Variants in MYCBP2 observed in about 807,000 individuals in gnomAD.
MYCBP2 encodes the protein E3 ubiquitin-protein ligase MYCBP2.
Under a neutral mutation model 525.3 loss-of-function variants are expected in MYCBP2, and 120 were observed. That is an observed-to-expected ratio of 0.23 (90% CI 0.20 to 0.27). The LOEUF (loss-of-function observed/expected upper bound fraction) is 0.27. Among genes scored for constraint, MYCBP2 ranks in the 10% least tolerant of loss-of-function variants. The pLI is 1.00. For synonymous variants in MYCBP2, 1,894 were observed against 1,955.8 expected, an observed-to-expected ratio of 0.97 and a Z score of 0.83; for missense variants, 4,149 against 5,657.1, an observed-to-expected ratio of 0.73 and a Z score of 8.55.
Position 77,179,744 on chromosome 13 carries a change from A to C in MYCBP2, c.5133+383T>G, listed in dbSNP as rs139385593. Among the ~76,000 whole-genome samples, 157 of 152,320 alleles carry C rather than the reference A, an allele frequency of 1.0e-3. 1 individual carries two copies. The highest frequency in any genetic ancestry group is 3.4e-3 in the Middle Eastern group (1 of 294). Reference sequence around the variant, plus strand: ...GTTGAGTGGGCAGAGCTGAAGTCTAAACCTCATTACCTTTCCCACACTATG... The same window carrying C: ...GTTGAGTGGGCAGAGCTGAAGTCTACACCTCATTACCTTTCCCACACTATG... On this transcript the variant is annotated intron_variant, in intron 34 of 82. Transcript: ENST00000544440.
At chr13:77,070,782 A>G in intron 68 of MYCBP2, 71 bp from the exon 69 acceptor site, 1 of 912,356 alleles carries the variant, frequency 1.1e-6, no homozygotes, top group Non-Finnish European at 1.6e-6. Flanking sequence ...TATATGTGAT[A>G]TTTCAAAGTA....
intron 55 of MYCBP2, among the ~76,000 whole-genome samples, chr13:77,107,085 T>A (rs2047971075): frequency 6.6e-6 from 1 of 152,138 alleles, no homozygotes; most frequent in Non-Finnish European, 1.5e-5. Context: ...CAATAAGATT[T>A]TGCCACATTT....
chr13:77,174,252 T>G, intron 37 of MYCBP2, 59 bp downstream of exon 37: 1 of 1,537,528 alleles, frequency 6.5e-7, no homozygotes, highest in Non-Finnish European at 8.9e-7. Flanking sequence ...TACCTGGTAG[T>G]AGACTGTGTA....
Position 77,078,897 on chromosome 13 carries a change from A to AAG in MYCBP2, c.11419-9_11419-8insCT. The AAG allele has an allele frequency of 6.2e-7, 1 of 1,608,638 alleles. No individual in the cohort carries two copies. Among genetic ancestry groups the AAG allele is most frequent in the Non-Finnish European group, 8.5e-7 (1 of 1,175,468 alleles). On this transcript the variant is annotated splice_polypyrimidine_tract_variant and intron_variant, in intron 65 of 82. Coordinates refer to ENST00000544440, the MANE Select transcript of MYCBP2 (RefSeq NM_015057.5). ...CATTGAGGTAACTTTATTCTGAAAT[A>AAG]GACAATTCACAATAGTTAATATGCT... is the stretch of plus-strand genomic sequence containing the variant.
At chr13:77,292,953 C>T (rs1381847150) in intron 2 of MYCBP2, among the ~76,000 whole-genome samples, 11 of 120,122 alleles carry the variant, frequency 9.2e-5, no homozygotes, top group Non-Finnish European at 1.5e-4. Flanking sequence ...AGCAAGACTC[C>T]GTCTCAAAAA....
intron 54 of MYCBP2, among the ~76,000 whole-genome samples, chr13:77,122,548 G>T (rs1350417042): frequency 6.6e-6 from 1 of 151,958 alleles, no homozygotes; most frequent in African/African-American, 2.4e-5. Context: ...AATTAGCCGG[G>T]CGTGGTGGCC....
In MYCBP2 at chr13:77,098,301, G is replaced by C; in HGVS notation, c.8853C>G (p.Cys2951Trp). ...CACTCTTAAATTCACTGCTGTCATC[G>C]CAGGTGCTGTCTGTTAGACTATTTG... Reference protein sequence around the residue: ...LKTNSLTDSTCDDSSEFKSVD... With the variant: ...LKTNSLTDSTWDDSSEFKSVD... The change falls in exon 56 of 83, where the codon TGC (cysteine) becomes TGG (tryptophan). Residue 2951 changes from cysteine to tryptophan, a missense_variant. By Grantham distance (215) the Cys-to-Trp change is radical. This residue lies in a region of MYCBP2 where 653 missense variants were observed against 744.7 expected (regional missense o/e 0.88). Transcript: ENST00000544440. The C allele has an allele frequency of 2.5e-6, 4 of 1,611,446 alleles. No homozygotes were observed. Among genetic ancestry groups the C allele is most frequent in the Non-Finnish European group, 3.4e-6 (4 of 1,179,740 alleles).
At chr13:77,119,591 G>A (rs142120541) in intron 55 of MYCBP2, among the ~76,000 whole-genome samples, 1 of 152,030 alleles carries the variant, frequency 6.6e-6, no homozygotes, top group Admixed American at 6.5e-5. Context: ...ACAGTATTAA[G>A]AGTTAAAATG....
chr13:77,155,172 A>C (rs2057056473), intron 46 of MYCBP2, among the ~76,000 whole-genome samples: 1 of 152,130 alleles, frequency 6.6e-6, no homozygotes, highest in African/African-American at 2.4e-5. Flanking sequence ...ACTGGTCTTA[A>C]GTCATGTAAG....
At chr13:77,281,253 G>GA (rs1049190825) in intron 3 of MYCBP2, among the ~76,000 whole-genome samples, 5 of 152,150 alleles carry the variant, frequency 3.3e-5, no homozygotes, top group East Asian at 1.9e-4. Context: ...TGTGTACATA[G>GA]AAAAAATGAC....
chr13:77,074,985 G>A (rs1178628), intron 68 of MYCBP2, among the ~76,000 whole-genome samples: 7,721 of 152,264 alleles, frequency 0.051, 496 homozygotes, highest in African/African-American at 0.15. Flanking sequence ...AATGCTGGCA[G>A]ACTGCTTGAG....
At position 77,156,876 on chromosome 13, in the gene MYCBP2, TA is replaced by T. The variant is rs201072926; in HGVS notation, c.6771-675del. Among the ~76,000 whole-genome samples, 16 of 152,310 alleles carry T rather than the reference TA, an allele frequency of 1.1e-4. No individual in the cohort carries two copies. In the East Asian group the frequency reaches 3.1e-3, roughly 29 times the overall value. On this transcript the variant is annotated intron_variant, in intron 45 of 82. Coordinates refer to ENST00000544440, the MANE Select transcript of MYCBP2 (RefSeq NM_015057.5). ...GCATAGTATAGTAGTGAGGCTGACTTAAGTGATTTGACATTCCTCTCCAATC... is the reference window on the plus strand; with the variant it reads ...GCATAGTATAGTAGTGAGGCTGACTTAGTGATTTGACATTCCTCTCCAATC...
chr13:77,083,002 G>A, intron 63 of MYCBP2, 30 bp downstream of exon 63: 2 of 1,586,400 alleles, frequency 1.3e-6, no homozygotes, highest in Non-Finnish European at 8.6e-7. Context: ...CTTGTCCAAT[G>A]TACCTAGGAT....
chr13:77,222,549 G>C (rs145473285), intron 20 of MYCBP2, among the ~76,000 whole-genome samples: 1 of 152,210 alleles, frequency 6.6e-6, no homozygotes, highest in African/African-American at 2.4e-5. Flanking sequence ...GAAGGGTAGA[G>C]AGTGGTTCTC....
At chr13:77,129,870 CAA>C (rs2052440564) in intron 52 of MYCBP2, among the ~76,000 whole-genome samples, 1 of 151,468 alleles carries the variant, frequency 6.6e-6, no homozygotes, top group Admixed American at 6.6e-5. Flanking sequence ...AATTTTTTAT[CAA>C]AAGATAAAAA....
At position 77,288,083 on chromosome 13, in the gene MYCBP2, A is replaced by G. The variant is rs556604025; in HGVS notation, c.594+78T>C. The G allele has an allele frequency of 6.2e-5, 83 of 1,344,772 alleles. 1 individual carries two copies. In the South Asian group the frequency reaches 1.0e-3, roughly 16 times the overall value. The allele number at this position is 1,344,772 out of a possible 1,614,324, so 83.3% of individuals were successfully genotyped here. A position where few individuals can be genotyped will look rare whatever the true frequency, so the allele number is the denominator to read the frequency against. ...AATTTTACATAAAGCAAAGTATTTTAGCAATGCGTATATATGCATTATAGC... is the reference window on the plus strand; with the variant it reads ...AATTTTACATAAAGCAAAGTATTTTGGCAATGCGTATATATGCATTATAGC... On this transcript the variant is annotated intron_variant, in intron 3 of 82. Coordinates refer to ENST00000544440, the MANE Select transcript of MYCBP2 (RefSeq NM_015057.5).
chr13:77,151,239 G>T (rs1185919802), intron 46 of MYCBP2, among the ~76,000 whole-genome samples: 1 of 152,166 alleles, frequency 6.6e-6, no homozygotes, highest in Non-Finnish European at 1.5e-5. Flanking sequence ...TACAGGAAAA[G>T]ATAGTGGAAT....
chr13:77,235,727 C>T (rs994470729), intron 17 of MYCBP2, among the ~76,000 whole-genome samples: 2 of 151,982 alleles, frequency 1.3e-5, no homozygotes, highest in African/African-American at 4.8e-5. Context: ...AGGGTTTACA[C>T]ACAACTAAAC....
intron 37 of MYCBP2, among the ~76,000 whole-genome samples, chr13:77,173,757 A>T (rs1443577831): frequency 1.3e-5 from 2 of 152,252 alleles, no homozygotes; most frequent in African/African-American, 4.8e-5. Context: ...GTTTATTTAA[A>T]AGATTTTTTT....
Sources: gnomAD v4.1 joint callset for allele counts (sites outside exome capture counted in the v4.1 genomes callset) on GRCh38, gnomAD v4.1.1 for gene constraint, gnomAD v4.1.1 regional missense constraint, MANE v1.5 for transcripts, NCBI Gene and HGNC (gene_info 2026-07-23, HGNC 2026-07-21) for gene names.